WWC1: variants seen among roughly 807,000 people sequenced by gnomAD.
WWC1 encodes protein KIBRA.
Under a neutral mutation model 138.4 loss-of-function variants are expected in WWC1, and 55 were observed. The observed-to-expected ratio is 0.40, with a 90% CI of 0.32 to 0.50. WWC1 has a LOEUF of 0.50. Ranked by LOEUF, WWC1 falls within the 20% of genes least tolerant of loss-of-function variation. WWC1 has a pLI of 0.72. For missense variants in WWC1, 1,226 were observed against 1,420.4 expected (o/e 0.86, Z 2.20); for synonymous variants, 524 against 564.9 (o/e 0.93, Z 1.03).
rs1294002574 is a variant in WWC1, at chr5:168,470,247, CAA to C, written c.*1232_*1233del. Reference sequence around the variant, plus strand: ...TGACATTACCCTGTGCAACTTTTCTCAAAGTCTGTTGCACCACTCAGCAAAGC... The same window carrying C: ...TGACATTACCCTGTGCAACTTTTCTCAGTCTGTTGCACCACTCAGCAAAGC... On this transcript the variant is annotated 3_prime_UTR_variant, in exon 23 of 23. Transcript: ENST00000265293. The C allele has an allele frequency of 2.6e-5, 4 of 152,214 alleles. No individual in the cohort carries two copies. The highest frequency in any genetic ancestry group is 9.7e-5 in the African/African-American group (4 of 41,444). 9.4% of individuals were successfully genotyped at this position (152,214 alleles called of 1,614,324 possible).
intron 1 of WWC1, among the ~76,000 whole-genome samples, chr5:168,341,955 C>G (rs1774068398): frequency 6.6e-6 from 1 of 152,170 alleles, no homozygotes; most frequent in Non-Finnish European, 1.5e-5. Flanking sequence ...GCTGTGCTGC[C>G]CCTTCCCCTA....
At chr5:168,316,450 T>C (rs1189606998) in intron 1 of WWC1, among the ~76,000 whole-genome samples, 1 of 151,986 alleles carries the variant, frequency 6.6e-6, no homozygotes, top group Non-Finnish European at 1.5e-5. Context: ...TGGGGGTGTT[T>C]TTGTGGGGCT....
At chr5:168,328,547 TTTTTC>T (rs1222539341) in intron 1 of WWC1, among the ~76,000 whole-genome samples, 1 of 151,776 alleles carries the variant, frequency 6.6e-6, no homozygotes, top group Non-Finnish European at 1.5e-5. Context: ...TGTGGGGAGT[TTTTTC>T]TTTTCTTTTA....
intron 8 of WWC1, among the ~76,000 whole-genome samples, chr5:168,410,932 T>C (rs1457245668): frequency 8.5e-5 from 6 of 70,880 alleles, no homozygotes; most frequent in African/African-American, 2.0e-4. Flanking sequence ...TGATCTTTGC[T>C]TTTTTTTTTT....
rs763044458 is a variant in WWC1 at position 168,445,701 on chromosome 5, C to CAAAAA, written c.2525+1136_2525+1140dup. On this transcript the variant is annotated intron_variant, in intron 17 of 22. Transcript: ENST00000265293. ...TAGGTGACAGAGTGAGACTCTGTCTCAAAAAAAAAAAAAAAAAAAAAAAAG... is the reference window on the plus strand; with the variant it reads ...TAGGTGACAGAGTGAGACTCTGTCTCAAAAAAAAAAAAAAAAAAAAAAAAAAAAAG... Among the ~76,000 whole-genome samples the CAAAAA allele has an allele frequency of 4.9e-4, 25 of 50,680 alleles. No individual in the cohort carries two copies. In the East Asian group the frequency reaches 0.014, roughly 29 times the overall value. The allele number at this position is 50,680 out of a possible 152,430, so 33.2% of individuals were successfully genotyped here.
intron 1 of WWC1, among the ~76,000 whole-genome samples, chr5:168,297,292 C>A (rs1044641877): frequency 1.3e-5 from 2 of 152,146 alleles, no homozygotes; most frequent in African/African-American, 4.8e-5. Context: ...CTGGAGTGGA[C>A]CTTTCTGTTC....
chr5:168,448,184 C>T lies in WWC1; in HGVS notation c.2525+3599C>T, dbSNP rs866057887. Among the ~76,000 whole-genome samples the T allele has an allele frequency of 7.3e-4, 111 of 152,262 alleles. 1 individual carries two copies. The highest frequency in any genetic ancestry group is 2.5e-3 in the African/African-American group (102 of 41,546). On this transcript the variant is annotated intron_variant, in intron 17 of 22. Coordinates refer to ENST00000265293, the MANE Select transcript of WWC1 (RefSeq NM_015238.3). ...AGTGGGGCAAACCATCTGCGGCCCC[C>T]TCCCCCAAGACTGGAAGCCTCTCTT...
At chr5:168,359,419 T>C (rs2152798751) in intron 1 of WWC1, among the ~76,000 whole-genome samples, 1 of 152,364 alleles carries the variant, frequency 6.6e-6, no homozygotes, top group East Asian at 1.9e-4. Context: ...CATATTTTAA[T>C]AGTTTATTCC....
chr5:168,385,531 A>C, intron 3 of WWC1, 117 bp downstream of exon 3: 1 of 1,048,360 alleles, frequency 9.5e-7, no homozygotes, highest in East Asian at 2.6e-5. Flanking sequence ...CTCTTTGTCC[A>C]AACCACCATC....
chr5:168,455,825 C>G (rs963187588), intron 19 of WWC1, among the ~76,000 whole-genome samples: 1 of 152,104 alleles, frequency 6.6e-6, no homozygotes, highest in Non-Finnish European at 1.5e-5. Context: ...GAGGGGGACC[C>G]GTCAGTGGCC....
At chr5:168,454,492 ATTTC>A (rs2152885625) in intron 18 of WWC1, among the ~76,000 whole-genome samples, 1 of 152,284 alleles carries the variant, frequency 6.6e-6, no homozygotes, top group South Asian at 2.1e-4. Flanking sequence ...CTAAAAATAT[ATTTC>A]TTTATGTGGG....
intron 3 of WWC1, among the ~76,000 whole-genome samples, chr5:168,396,703 G>C (rs536506572): frequency 1.3e-5 from 2 of 152,142 alleles, no homozygotes; most frequent in Non-Finnish European, 2.9e-5. Flanking sequence ...TTTTCTCTTT[G>C]TCTAGTTTTC....
At chr5:168,445,653 G>T (rs1755181224) in intron 17 of WWC1, among the ~76,000 whole-genome samples, 1 of 138,158 alleles carries the variant, frequency 7.2e-6, no homozygotes, top group African/African-American at 2.8e-5. Context: ...AGTGAACCGA[G>T]ATTGCGCCAC....
At chr5:168,432,626 G>C (rs1256329724) in intron 15 of WWC1, among the ~76,000 whole-genome samples, 1 of 152,192 alleles carries the variant, frequency 6.6e-6, no homozygotes, top group Non-Finnish European at 1.5e-5. Context: ...TACCTAGAAG[G>C]TCGCTCCACT....
chr5:168,316,902 C>G (rs1312442262), intron 1 of WWC1: 1 of 152,088 alleles, frequency 6.6e-6, no homozygotes, highest in Non-Finnish European at 1.5e-5. Context: ...CCCTTCTCAC[C>G]AAATTACACT....
At chr5:168,329,482 T>C (rs191698785) in intron 1 of WWC1, among the ~76,000 whole-genome samples, 1 of 149,258 alleles carries the variant, frequency 6.7e-6, no homozygotes, top group East Asian at 1.9e-4. Flanking sequence ...ACTTTTGTGT[T>C]GTAAATCCTA....
At chr5:168,406,392 C>A (rs79808995) in intron 6 of WWC1, 65 bp downstream of exon 6, 2 of 1,593,786 alleles carry the variant, frequency 1.3e-6, no homozygotes, top group South Asian at 2.2e-5. Context: ...GTATGCCAGT[C>A]GTATGCGGGC....
At position 168,464,755 on chromosome 5, in the gene WWC1, C is replaced by T. The variant is rs780640707; in HGVS notation, c.2943C>T (p.Ser981=). Reference sequence around the variant, plus strand: ...CTTCCTCGGTCAAGTCGCTGCGCTCCGAGCGTCTGATCCGTACCTCGCTGG... The same window carrying T: ...CTTCCTCGGTCAAGTCGCTGCGCTCTGAGCGTCTGATCCGTACCTCGCTGG... ...KRPSSVKSLR[S]ERLIRTSLDL... Residue 981 remains serine, a synonymous_variant, in exon 21 of 23, where the codon TCC becomes TCT. Coordinates refer to ENST00000265293, the MANE Select transcript of WWC1 (RefSeq NM_015238.3). The T allele has an allele frequency of 1.7e-5, 28 of 1,614,066 alleles. No individual in the cohort carries two copies. The highest frequency in any genetic ancestry group is 5.0e-5 in the Admixed American group (3 of 60,012).
chr5:168,310,362 TTATA>T (rs1392832501), intron 1 of WWC1, among the ~76,000 whole-genome samples: 1 of 151,334 alleles, frequency 6.6e-6, no homozygotes, highest in Non-Finnish European at 1.5e-5. Flanking sequence ...TCTGAATATA[TTATA>T]TATAATTATT....
Sources: gnomAD v4.1 joint callset for allele counts (sites outside exome capture counted in the v4.1 genomes callset) on GRCh38, gnomAD v4.1.1 for gene constraint, MANE v1.5 for transcripts, NCBI Gene and HGNC (gene_info 2026-07-23, HGNC 2026-07-21) for gene names.